The following DENND1B variants were observed in gnomAD, a reference collection of about 807,000 sequenced individuals.
The protein encoded by DENND1B is DENN domain containing 1B.
Under a neutral mutation model 90.1 loss-of-function variants are expected in DENND1B, and 59 were observed. That is an observed-to-expected ratio of 0.65 (90% confidence interval 0.53 to 0.81). The LOEUF (loss-of-function observed/expected upper bound fraction) is 0.81, where lower values mean the gene tolerates loss of function less well. Among genes scored for constraint, DENND1B ranks in the 40% least tolerant of loss-of-function variants. DENND1B has a pLI of 0.00. For missense variants in DENND1B, 862 were observed against 912.6 expected, an observed-to-expected ratio of 0.94 and a Z score of 0.71; for synonymous variants, 337 against 324.6, an observed-to-expected ratio of 1.04 and a Z score of -0.41.
chr1:197,729,028 C>T (rs1477445474), intron 2 of DENND1B, among the ~76,000 whole-genome samples: 2 of 152,140 alleles, frequency 1.3e-5, no homozygotes, highest in Non-Finnish European at 2.9e-5. Flanking sequence ...TACTCCAACA[C>T]ATGCTGCACC....
At chr1:197,757,253 C>G (rs1450758454) in intron 2 of DENND1B, 1 of 152,076 alleles carries the variant, frequency 6.6e-6, no homozygotes, top group African/African-American at 2.4e-5. Flanking sequence ...AACTGGAACT[C>G]CAACCCAATT....
chr1:197,646,182 A>G (rs1459198874), intron 8 of DENND1B, among the ~76,000 whole-genome samples: 2 of 151,962 alleles, frequency 1.3e-5, no homozygotes, highest in African/African-American at 4.8e-5. Context: ...CTAACCAAAT[A>G]TATCAAAATC....
At chr1:197,517,032 T>C (rs940331336) in intron 20 of DENND1B, among the ~76,000 whole-genome samples, 1 of 151,828 alleles carries the variant, frequency 6.6e-6, no homozygotes. Flanking sequence ...CATTGTGTTA[T>C]CTGCTCGTGT....
chr1:197,610,358 G>C (rs1466708576), intron 12 of DENND1B, among the ~76,000 whole-genome samples: 1 of 150,226 alleles, frequency 6.7e-6, no homozygotes. Context: ...AAGAATATAT[G>C]ATAAATTAAA....
At chr1:197,719,374 G>A (rs536912110) in intron 2 of DENND1B, among the ~76,000 whole-genome samples, 2 of 152,236 alleles carry the variant, frequency 1.3e-5, no homozygotes, top group Admixed American at 6.5e-5. Context: ...TTGGAATTCA[G>A]ATCAAGACAG....
intron 20 of DENND1B, among the ~76,000 whole-genome samples, chr1:197,528,395 A>T (rs922991164): frequency 6.6e-6 from 1 of 152,168 alleles, no homozygotes; most frequent in African/African-American, 2.4e-5. Context: ...GTTACTCATC[A>T]ACTATAAAAT....
chr1:197,620,745 A>C (rs1312709355), intron 10 of DENND1B, among the ~76,000 whole-genome samples: 1 of 151,364 alleles, frequency 6.6e-6, no homozygotes, highest in Non-Finnish European at 1.5e-5. Context: ...TATGCAATCG[A>C]AATCCCTATG....
At chr1:197,548,067 T>C (rs1019895344) in intron 16 of DENND1B, among the ~76,000 whole-genome samples, 1 of 152,192 alleles carries the variant, frequency 6.6e-6, no homozygotes, top group Admixed American at 6.5e-5. Context: ...TCTGTAACCT[T>C]TGTCAATCCA....
chr1:197,564,606 T>G (rs538276106), intron 15 of DENND1B, among the ~76,000 whole-genome samples: 32 of 152,056 alleles, frequency 2.1e-4, no homozygotes, highest in African/African-American at 7.5e-4. Flanking sequence ...TATTGCAATA[T>G]TCACTTTATT....
At chr1:197,627,503 A>G (rs540576503) in intron 10 of DENND1B, among the ~76,000 whole-genome samples, 74 of 152,316 alleles carry the variant, frequency 4.9e-4, no homozygotes, top group Middle Eastern at 3.4e-3. Context: ...AACTCTCAAT[A>G]AATTAGGTAT....
rs540487728 is a variant in DENND1B at position 197,646,983 on chromosome 1, G to A, written c.507+72C>T. ...CCAAAGGGCTGGAGTGAAGCTTAAA[G>A]GCATAGTGAAATAAGTGATTATTTT... is the stretch of plus-strand genomic sequence containing the variant. On this transcript the variant is annotated intron_variant, in intron 8 of 22. Transcript: ENST00000620048. The A allele has an allele frequency of 6.4e-5, 74 of 1,150,530 alleles. No homozygotes were observed. In the South Asian group the frequency reaches 1.2e-3, roughly 18 times the overall value. 71.3% of individuals were successfully genotyped at this position (1,150,530 alleles called of 1,614,324 possible). A position where few individuals can be genotyped will look rare whatever the true frequency, so the allele number is the denominator to read the frequency against.
At chr1:197,717,361 C>T (rs1479452872) in intron 2 of DENND1B, among the ~76,000 whole-genome samples, 1 of 151,848 alleles carries the variant, frequency 6.6e-6, no homozygotes, top group Non-Finnish European at 1.5e-5. Context: ...ATGAGAACTG[C>T]TGGTGGGAAT....
chr1:197,699,146 C>T (rs1658761621), intron 3 of DENND1B, among the ~76,000 whole-genome samples: 1 of 152,000 alleles, frequency 6.6e-6, no homozygotes, highest in Admixed American at 6.6e-5. Context: ...CAATGAACAC[C>T]AATGCGAAAA....
chr1:197,692,755 A>T (rs1658036067), intron 3 of DENND1B, among the ~76,000 whole-genome samples: 2 of 151,802 alleles, frequency 1.3e-5, no homozygotes, highest in Admixed American at 1.3e-4. Context: ...GTCATAGGGT[A>T]TGATTATCAA....
At chr1:197,717,146 A>G (rs926819807) in intron 2 of DENND1B, among the ~76,000 whole-genome samples, 3 of 151,974 alleles carry the variant, frequency 2.0e-5, no homozygotes, top group Admixed American at 2.0e-4. Flanking sequence ...ATGTGATTAG[A>G]TTTAGACCAC....
At chr1:197,584,749 G>A (rs573205508) in intron 14 of DENND1B, among the ~76,000 whole-genome samples, 1 of 152,212 alleles carries the variant, frequency 6.6e-6, no homozygotes, top group East Asian at 1.9e-4. Context: ...ATAGCTCACT[G>A]CAGCCTTGAC....
chr1:197,684,948 C>T (rs962708031), intron 3 of DENND1B, among the ~76,000 whole-genome samples: 5 of 152,028 alleles, frequency 3.3e-5, no homozygotes, highest in Non-Finnish European at 7.4e-5. Flanking sequence ...AAAACCCCGT[C>T]TCTACTAAAA....
At chr1:197,596,153 C>G (rs144116336) in intron 13 of DENND1B, among the ~76,000 whole-genome samples, 2 of 151,924 alleles carry the variant, frequency 1.3e-5, no homozygotes, top group East Asian at 3.9e-4. Context: ...GAAAAACTTA[C>G]CTAAAAATGT....
intron 6 of DENND1B, among the ~76,000 whole-genome samples, chr1:197,653,484 A>G (rs1653465437): frequency 6.6e-6 from 1 of 152,106 alleles, no homozygotes; most frequent in African/African-American, 2.4e-5. Context: ...ACTTTCTTAC[A>G]TTGATCAAGT....
Sources: gnomAD v4.1 joint callset for allele counts (sites outside exome capture counted in the v4.1 genomes callset) on GRCh38, gnomAD v4.1.1 for gene constraint, MANE v1.5 for transcripts, NCBI Gene and HGNC (gene_info 2026-07-23, HGNC 2026-07-21) for gene names.